Variants in KDM6A observed in about 807,000 individuals in gnomAD.
KDM6A encodes the protein lysine-specific demethylase 6A.
KDM6A carries 11 observed loss-of-function variants against 117.6 expected under a neutral mutation model. That is an observed-to-expected ratio of 0.09 (90% confidence interval 0.06 to 0.15). KDM6A has a LOEUF of 0.15. Among genes scored for constraint, KDM6A ranks in the 10% least tolerant of loss-of-function variants. The pLI is 1.00. For synonymous variants in KDM6A, 384 were observed against 396.1 expected (o/e 0.97, Z 0.36); for missense variants, 799 against 1,077.3 (o/e 0.74, Z 3.62).
intron 28 of KDM6A, among the ~76,000 whole-genome samples, chrX:45,109,655 C>G (rs1219835459): frequency 9.0e-6 from 1 of 110,705 alleles, no homozygotes; most frequent in Non-Finnish European, 1.9e-5. Context: ...CTTATCCTAC[C>G]TGAACCCTAG....
chrX:45,009,488 T>C (rs1602559380), intron 4 of KDM6A, among the ~76,000 whole-genome samples: 2 of 111,631 alleles, frequency 1.8e-5, no homozygotes, highest in African/African-American at 6.5e-5. Flanking sequence ...CTTTGTGACC[T>C]GTATCTTGTG....
chrX:44,878,712 C>T (rs745999413), intron 2 of KDM6A, among the ~76,000 whole-genome samples: 8 of 110,523 alleles, frequency 7.2e-5, no homozygotes, highest in Non-Finnish European at 1.5e-4. Flanking sequence ...ACTGCCACCT[C>T]TAGATACTTT....
chrX:45,016,489 GTATGTATGTA>G (rs2041972185), intron 5 of KDM6A, among the ~76,000 whole-genome samples: 4 of 95,471 alleles, frequency 4.2e-5, no homozygotes, highest in African/African-American at 1.8e-4. Context: ...ATGTATGTAT[GTATGTATGTA>G]TTTGTTTATT....
intron 5 of KDM6A, among the ~76,000 whole-genome samples, chrX:45,013,036 C>T (rs2041830964): frequency 9.0e-6 from 1 of 111,612 alleles, no homozygotes; most frequent in African/African-American, 3.3e-5. Context: ...TCTTTAATAG[C>T]CTACTTATAG....
intron 27 of KDM6A, among the ~76,000 whole-genome samples, chrX:45,098,510 TAAA>T (rs1394032178): frequency 3.5e-5 from 4 of 112,745 alleles, no homozygotes; most frequent in South Asian, 3.6e-4. Flanking sequence ...AAACTGGAGA[TAAA>T]GAAGAAATGA....
chrX:45,096,580 C>T (rs1261767478), intron 27 of KDM6A, among the ~76,000 whole-genome samples: 2 of 112,205 alleles, frequency 1.8e-5, no homozygotes, highest in African/African-American at 3.2e-5. Flanking sequence ...ACTACAGCTT[C>T]GCAGTCTCTT....
chrX:44,968,547 A>G (rs2039147963), intron 3 of KDM6A, among the ~76,000 whole-genome samples: 1 of 113,207 alleles, frequency 8.8e-6, no homozygotes, highest in Admixed American at 9.3e-5. Flanking sequence ...CTGAAGCCCA[A>G]GCATATGTAT....
At chrX:45,042,303 G>C (rs1031478174) in intron 8 of KDM6A, among the ~76,000 whole-genome samples, 19 of 73,121 alleles carry the variant, frequency 2.6e-4, no homozygotes, top group Non-Finnish European at 4.4e-4. Context: ...GGAGAGGGGA[G>C]AGGGAGAGTC....
chrX:44,975,235 T>C, intron 4 of KDM6A, among the ~76,000 whole-genome samples: 1 of 111,803 alleles, frequency 8.9e-6, no homozygotes, highest in Non-Finnish European at 1.9e-5. Flanking sequence ...CACTTTCTTA[T>C]CTTAATTTAA....
chrX:44,873,480 T>C lies in KDM6A; in HGVS notation c.-72T>C, dbSNP rs1003239940. On this transcript the variant is annotated 5_prime_UTR_variant, in exon 1 of 30. Transcript: ENST00000611820. ...TTGGTGTGCTGGTCCCGCGCGCAGA[T>C]TGGGGGCGTCACTGCGGGCCCCGGT... 49 of 1,175,746 alleles carry C rather than the reference T, an allele frequency of 4.2e-5. No individual in the cohort carries two copies. The highest frequency in any genetic ancestry group is 5.2e-5 in the Non-Finnish European group (45 of 869,024).
Position 45,069,607 on chromosome X carries a change from C to T in KDM6A, c.2108C>T (p.Ser703Leu), listed in dbSNP as rs750754452. ...CTTCACAAAGGTCAGAGTTCACATTCGGCAGGTCCTAATGGTGAACGACCT... is the reference window on the plus strand; with the variant it reads ...CTTCACAAAGGTCAGAGTTCACATTTGGCAGGTCCTAATGGTGAACGACCT... ...QGLHKGQSSH[S>L]AGPNGERPLS... Residue 703 changes from serine (S) to leucine (L), a missense_variant, in exon 18 of 30, where the codon TCG becomes TTG. Ser to Leu is a moderately radical substitution (Grantham distance 145). This residue lies in a region of KDM6A where 301 missense variants were observed against 318.3 expected (regional missense o/e 0.95). Transcript: ENST00000611820. The T allele has an allele frequency of 1.4e-5, 17 of 1,208,263 alleles. No individual in the cohort carries two copies. In the South Asian group the frequency reaches 1.9e-4, roughly 14 times the overall value.
At chrX:44,910,268 C>T (rs1195173941) in intron 2 of KDM6A, among the ~76,000 whole-genome samples, 2 of 111,595 alleles carry the variant, frequency 1.8e-5, no homozygotes, top group Non-Finnish European at 3.8e-5. Context: ...TTCACTGCAA[C>T]CTGCGCCTCC....
At chrX:45,002,383 T>G (rs2041184784) in intron 4 of KDM6A, among the ~76,000 whole-genome samples, 1 of 112,124 alleles carries the variant, frequency 8.9e-6, no homozygotes, top group Non-Finnish European at 1.9e-5. Context: ...AAGAAAAACC[T>G]TTTGTGCTTT....
At chrX:45,038,251 G>A (rs766926903) in intron 8 of KDM6A, among the ~76,000 whole-genome samples, 1 of 111,582 alleles carries the variant, frequency 9.0e-6, no homozygotes, top group Non-Finnish European at 1.9e-5. Context: ...TGAACTTGAT[G>A]TAGATCATTT....
intron 25 of KDM6A, among the ~76,000 whole-genome samples, chrX:45,087,442 T>A (rs1171378030): frequency 1.8e-5 from 2 of 112,847 alleles, no homozygotes; most frequent in African/African-American, 6.4e-5. Context: ...TATGTTGTCT[T>A]CTCTATTCAT....
intron 4 of KDM6A, among the ~76,000 whole-genome samples, chrX:44,985,338 A>G (rs749366969): frequency 1.3e-4 from 15 of 111,882 alleles, no homozygotes; most frequent in Admixed American, 5.7e-4. Context: ...TAGATATACA[A>G]TCATGTCATC....
intron 2 of KDM6A, among the ~76,000 whole-genome samples, chrX:44,874,592 C>T (rs2031278285): frequency 2.7e-5 from 3 of 111,180 alleles, no homozygotes; most frequent in African/African-American, 6.5e-5. Flanking sequence ...ATAGAAATAC[C>T]GTAGTTATTT....
chrX:45,106,981 T>TA (rs1225866504), intron 27 of KDM6A: 272 of 166,122 alleles, frequency 1.6e-3, no homozygotes, highest in Middle Eastern at 4.7e-3. Flanking sequence ...TAGTGTTGAT[T>TA]AAAAAAAAAA....
chrX:44,992,435 G>T (rs901488564), intron 4 of KDM6A, among the ~76,000 whole-genome samples: 37 of 108,137 alleles, frequency 3.4e-4, no homozygotes, highest in African/African-American at 1.2e-3. Flanking sequence ...TGTTGGTCAG[G>T]CTGGTCCCGA....
Sources: allele counts gnomAD v4.1 joint callset (sites outside exome capture counted in the v4.1 genomes callset), GRCh38; gene constraint gnomAD v4.1.1; regional missense constraint gnomAD v4.1.1; transcripts MANE v1.5; gene names NCBI Gene and HGNC (gene_info 2026-07-23, HGNC 2026-07-21).